CACNA1B: variants seen among roughly 807,000 people sequenced by gnomAD.
CACNA1B encodes the protein voltage-dependent N-type calcium channel subunit alpha-1B.
Under a neutral mutation model 247.2 loss-of-function variants are expected in CACNA1B, and 70 were observed. The observed-to-expected ratio is 0.28, with a 90% CI of 0.23 to 0.35. CACNA1B has a LOEUF of 0.35. Among genes scored for constraint, CACNA1B ranks in the 10% least tolerant of loss-of-function variants. The probability of loss-of-function intolerance (pLI) is 1.00; values close to 1 mark genes in which losing one functional copy is unlikely to be tolerated. For missense variants in CACNA1B, 2,367 were observed against 3,197.4 expected (o/e 0.74, Z 6.26); for synonymous variants, 1,231 against 1,294.4 (o/e 0.95, Z 1.05).
At chr9:137,939,117 T>C (rs983060336) in intron 6 of CACNA1B, among the ~76,000 whole-genome samples, 5 of 151,968 alleles carry the variant, frequency 3.3e-5, no homozygotes, top group Non-Finnish European at 7.4e-5. Flanking sequence ...AACACAATAA[T>C]AGTGGGGAAC....
intron 31 of CACNA1B, among the ~76,000 whole-genome samples, chr9:138,065,900 C>T (rs1016761794): frequency 3.8e-4 from 58 of 152,228 alleles, no homozygotes; most frequent in African/African-American, 1.4e-3. Context: ...TTTAATGCTA[C>T]AGCACACCAG....
intron 18 of CACNA1B, among the ~76,000 whole-genome samples, chr9:138,017,403 T>G (rs1958806892): frequency 6.6e-6 from 1 of 152,266 alleles, no homozygotes; most frequent in African/African-American, 2.4e-5. Context: ...TCAGACCCTC[T>G]GCGCTCAGCG....
Position 137,986,278 on chromosome 9 carries a change from A to G in CACNA1B, c.1770-135A>G. ...GTAGTGGGCCTGAAACTCCAGAGAA[A>G]AGCTCTAACTTCACACCTAGGTGTG... On this transcript the variant is annotated intron_variant, in intron 13 of 46. Transcript: ENST00000371372. This position sits in a 1 kb window ranked among gnomAD's most constrained non-coding sequence, Gnocchi z 6.0. 2.1e-6 allele frequency: 2 copies of G among 945,016 alleles called. No homozygotes were observed. The highest frequency in any genetic ancestry group is 3.4e-5 in the South Asian group (2 of 59,408). The allele number at this position is 945,016 out of a possible 1,614,324, so 58.5% of individuals were successfully genotyped here.
At position 137,881,708 on chromosome 9, in the gene CACNA1B, G is replaced by A. The variant is rs1450472892; in HGVS notation, c.391-1036G>A. ...GCCAGCCCCACGCGTGTGCTCACGA[G>A]GAGTCTTTGGGGTCTCCCTAAGCTC... On this transcript the variant is annotated intron_variant, in intron 2 of 46. Transcript: ENST00000371372. The surrounding 1 kb of genome is among the most constrained non-coding windows in gnomAD (Gnocchi z 4.3). Among the ~76,000 whole-genome samples the A allele has an allele frequency of 6.6e-6, 1 of 152,202 alleles. No homozygotes were observed. The highest frequency in any genetic ancestry group is 6.5e-5 in the Admixed American group (1 of 15,286).
In CACNA1B at chr9:138,075,915, GT is replaced by G; in HGVS notation, c.4949+7del. 1 of 1,597,680 alleles carries G rather than the reference GT, an allele frequency of 6.3e-7. No homozygotes were observed. Among genetic ancestry groups the G allele is most frequent in the Non-Finnish European group, 8.6e-7 (1 of 1,167,682 alleles). The stretch of plus-strand genomic sequence containing the variant: ...AGCCCTGATGCTGCTGTTCAGGTGT[GT>G]TGTTCGGTCAGCCCAGGCCAATGTC... On this transcript the variant is annotated splice_donor_region_variant and intron_variant, in intron 35 of 46. Transcript: ENST00000371372.
At chr9:137,988,369 A>G (rs1369043733) in intron 15 of CACNA1B, among the ~76,000 whole-genome samples, 1 of 152,168 alleles carries the variant, frequency 6.6e-6, no homozygotes, top group African/African-American at 2.4e-5. Flanking sequence ...TTTGCCCTGT[A>G]GAAGCTGTTG....
intron 3 of CACNA1B, among the ~76,000 whole-genome samples, chr9:137,903,795 C>T (rs1018362589): frequency 6.6e-6 from 1 of 152,036 alleles, no homozygotes; most frequent in Non-Finnish European, 1.5e-5. Flanking sequence ...TAAAAGTCAC[C>T]TGCACTGTTA....
At chr9:138,064,599 T>A (rs1959849522) in intron 31 of CACNA1B, among the ~76,000 whole-genome samples, 1 of 152,250 alleles carries the variant, frequency 6.6e-6, no homozygotes, top group African/African-American at 2.4e-5. Flanking sequence ...CGAAGCAGCA[T>A]CCTTGTTGGC....
chr9:138,107,008 C>T (rs1961450706), intron 39 of CACNA1B, among the ~76,000 whole-genome samples: 1 of 150,044 alleles, frequency 6.7e-6, no homozygotes, highest in Admixed American at 6.6e-5. Context: ...CTCTTTGAAC[C>T]TTTTTTATCT....
chr9:138,120,964 C>T, intron 46 of CACNA1B, 83 bp downstream of exon 46: 1 of 1,446,038 alleles, frequency 6.9e-7, no homozygotes, highest in South Asian at 1.3e-5. Flanking sequence ...CTGCCTCTCC[C>T]CAGGGCCTCG....
At chr9:137,938,073 A>G (rs1275119312) in intron 6 of CACNA1B, among the ~76,000 whole-genome samples, 1 of 152,014 alleles carries the variant, frequency 6.6e-6, no homozygotes, top group Non-Finnish European at 1.5e-5. Flanking sequence ...CCCAACAGAA[A>G]CACTACAAGC....
At chr9:138,025,796 T>C (rs942735543) in intron 20 of CACNA1B, among the ~76,000 whole-genome samples, 6 of 152,020 alleles carry the variant, frequency 3.9e-5, no homozygotes, top group African/African-American at 1.4e-4. Context: ...ACCTGTCTAA[T>C]AGGGAGAGAT....
chr9:138,080,260 G>A (rs1476234287), intron 36 of CACNA1B, among the ~76,000 whole-genome samples: 1 of 152,176 alleles, frequency 6.6e-6, no homozygotes, highest in Admixed American at 6.5e-5. Flanking sequence ...CAAAGCTGGG[G>A]ACAGAGGAGG....
At chr9:137,878,679 T>C (rs1271287110) in intron 1 of CACNA1B, among the ~76,000 whole-genome samples, 1 of 152,112 alleles carries the variant, frequency 6.6e-6, no homozygotes, top group African/African-American at 2.4e-5. Context: ...TGTGGCTGCG[T>C]GTCTGGAGGG....
chr9:137,896,318 C>G (rs554815756), intron 3 of CACNA1B, among the ~76,000 whole-genome samples: 1 of 150,442 alleles, frequency 6.6e-6, no homozygotes, highest in Non-Finnish European at 1.5e-5. Flanking sequence ...TCCCTCTGTT[C>G]CAGTTTTCCA....
chr9:137,905,223 C>T (rs1016684954), intron 3 of CACNA1B, among the ~76,000 whole-genome samples: 1 of 151,862 alleles, frequency 6.6e-6, no homozygotes, highest in African/African-American at 2.4e-5. Flanking sequence ...TGTGGTGGCA[C>T]GTGCCTGTAG....
At chr9:137,997,408 A>T (rs1056415304) in intron 15 of CACNA1B, among the ~76,000 whole-genome samples, 2 of 152,250 alleles carry the variant, frequency 1.3e-5, no homozygotes, top group African/African-American at 4.8e-5. Context: ...ATACACAGAA[A>T]ACTCAAGTCC....
chr9:138,023,916 C>G (rs938173954), intron 19 of CACNA1B, 105 bp downstream of exon 19: 1 of 630,010 alleles, frequency 1.6e-6, no homozygotes, highest in Non-Finnish European at 2.8e-6. Context: ...GCTGCAGCCC[C>G]GGCCACGCTG....
intron 38 of CACNA1B, among the ~76,000 whole-genome samples, chr9:138,103,893 G>A (rs1310119909): frequency 6.6e-6 from 1 of 152,258 alleles, no homozygotes; most frequent in Non-Finnish European, 1.5e-5. Context: ...GCCTGTGGGA[G>A]CCAAGTGGCT....
Sources: gnomAD v4.1 joint callset for allele counts (sites outside exome capture counted in the v4.1 genomes callset) on GRCh38, gnomAD v4.1.1 for gene constraint, Gnocchi (gnomAD v3.1) non-coding constraint, MANE v1.5 for transcripts, NCBI Gene and HGNC (gene_info 2026-07-23, HGNC 2026-07-21) for gene names.